The following RASA1 variants were observed in gnomAD, a reference collection of about 807,000 sequenced individuals.
The protein encoded by RASA1 is RAS p21 protein activator 1.
A neutral mutation model predicts 132.2 loss-of-function variants in RASA1; 25 were observed. That is an observed-to-expected ratio of 0.19 (90% CI 0.14 to 0.26). The LOEUF is 0.26. RASA1 is among the 10% of genes least tolerant of loss of function. RASA1 has a pLI of 1.00. For synonymous variants in RASA1, 477 were observed against 449.9 expected (o/e 1.06, Z -0.76); for missense variants, 964 against 1,299.2 (o/e 0.74, Z 3.97).
chr5:87,302,320 A>G (rs1323743711), intron 1 of RASA1, among the ~76,000 whole-genome samples: 2 of 151,794 alleles, frequency 1.3e-5, no homozygotes, highest in Non-Finnish European at 2.9e-5. Context: ...ATTTTTTCAT[A>G]TGTTCATTGG....
At chr5:87,357,144 C>T (rs899052494) in intron 9 of RASA1, among the ~76,000 whole-genome samples, 1 of 152,028 alleles carries the variant, frequency 6.6e-6, no homozygotes, top group Non-Finnish European at 1.5e-5. Flanking sequence ...TAACATCCAT[C>T]TTGTTTCACT....
chr5:87,385,385 C>G lies in RASA1; in HGVS notation c.2843C>G (p.Ala948Gly). 6.3e-7 allele frequency: 1 copy of G among 1,595,430 alleles called. No individual in the cohort carries two copies. The highest frequency in any genetic ancestry group is 8.6e-7 in the Non-Finnish European group (1 of 1,163,806). ...TTAGCAAATCTTGTGGAATTTGGAG[C>G]TAAGGTAAAAACATTTTGATACTTT... ...QNLANLVEFG[A>G]KEPYMEGVNP... Residue 948 changes from alanine (A) to glycine (G), a missense_variant, in exon 22 of 25, where the codon GCT becomes GGT. Transcript: ENST00000274376.
At chr5:87,374,594 AG>A (rs923291225) in intron 14 of RASA1, among the ~76,000 whole-genome samples, 4 of 151,676 alleles carry the variant, frequency 2.6e-5, no homozygotes, top group Non-Finnish European at 5.9e-5. Context: ...AACATTTACT[AG>A]GGTTTCCAGT....
chr5:87,365,916 AAT>A lies in RASA1; in HGVS notation c.1610+2416_1610+2417del, dbSNP rs770924658. 4.7e-4 allele frequency among the ~76,000 whole-genome samples: 71 copies of A among 152,242 alleles called. 2 individuals are homozygous for A. The highest frequency in any genetic ancestry group is 6.8e-3 in the Middle Eastern group (2 of 294). On this transcript the variant is annotated intron_variant, in intron 11 of 24. Transcript: ENST00000274376. ...TGTAGACCTGAATTCCATATTAAAT[AAT>A]ATAATGAAATGGAGGCTGTAATAAA...
At chr5:87,339,760 T>C (rs1238293966) in intron 5 of RASA1, among the ~76,000 whole-genome samples, 1 of 152,150 alleles carries the variant, frequency 6.6e-6, no homozygotes, top group Admixed American at 6.5e-5. Flanking sequence ...TATAGTAACA[T>C]TATAAATTAA....
At position 87,268,397 on chromosome 5, in the gene RASA1, T is replaced by C. The variant is rs758087406; in HGVS notation, c.-55T>C. ...GGGGCTGCTCGGAGCCCGGGCCTGG[T>C]GGCCCCTGGGGCTCCCGGGCGGGCA... On this transcript the variant is annotated 5_prime_UTR_variant, in exon 1 of 25. Transcript: ENST00000274376. The C allele has an allele frequency of 7.5e-6, 11 of 1,468,392 alleles. No homozygotes were observed. Among genetic ancestry groups the C allele is most frequent in the Admixed American group, 5.1e-5 (2 of 39,004 alleles). The allele number at this position is 1,468,392 out of a possible 1,614,324, so 91.0% of individuals were successfully genotyped here.
intron 1 of RASA1, among the ~76,000 whole-genome samples, chr5:87,287,813 TACCATATATACACAC>T (rs1452353705): frequency 1.4e-5 from 2 of 143,666 alleles, no homozygotes; most frequent in African/African-American, 5.2e-5. Context: ...ACCATATATA[TACCATATATACACAC>T]ACCATATATA....
chr5:87,390,088 T>C (rs1762387075), intron 24 of RASA1, among the ~76,000 whole-genome samples: 1 of 152,212 alleles, frequency 6.6e-6, no homozygotes. Flanking sequence ...TAGACTTCTA[T>C]CTGCCATCTG....
At chr5:87,274,481 G>C (rs2112234052) in intron 1 of RASA1, among the ~76,000 whole-genome samples, 1 of 152,154 alleles carries the variant, frequency 6.6e-6, no homozygotes, top group African/African-American at 2.4e-5. Context: ...GATTAGTTAC[G>C]GACAATGATT....
At chr5:87,353,298 T>C (rs1480679121) in intron 9 of RASA1, 63 bp downstream of exon 9, 4 of 1,308,062 alleles carry the variant, frequency 3.1e-6, no homozygotes, top group Non-Finnish European at 4.4e-6. Context: ...TTTGGTGGTA[T>C]GTTTTTGCAC....
At chr5:87,292,367 CTTTTT>C (rs76957126) in intron 1 of RASA1, among the ~76,000 whole-genome samples, 49 of 120,226 alleles carry the variant, frequency 4.1e-4, no homozygotes, top group African/African-American at 1.1e-3. Flanking sequence ...TGTTTACATT[CTTTTT>C]TTTTTTTTTT....
rs559103376 is a variant in RASA1 at position 87,289,727 on chromosome 5, C to T, written c.539+20737C>T. On this transcript the variant is annotated intron_variant, in intron 1 of 24. Coordinates refer to ENST00000274376, the MANE Select transcript of RASA1 (RefSeq NM_002890.3). Reference sequence around the variant, plus strand: ...CCAGGTTCAAGCGATCTTCCCACCTCAGCCTTCCTATTAACTAAGACTACA... The same window carrying T: ...CCAGGTTCAAGCGATCTTCCCACCTTAGCCTTCCTATTAACTAAGACTACA... Among the ~76,000 whole-genome samples the T allele has an allele frequency of 9.2e-5, 14 of 152,286 alleles. No homozygotes were observed. The East Asian group carries it at 2.7e-3, about 29-fold the overall frequency.
chr5:87,333,150 G>A, intron 3 of RASA1, 117 bp from the exon 4 acceptor site: 1 of 1,431,212 alleles, frequency 7.0e-7, no homozygotes, highest in South Asian at 1.4e-5. Flanking sequence ...AAATTTATTT[G>A]AATGATCCCA....
chr5:87,365,119 G>C (rs1760408321), intron 11 of RASA1, among the ~76,000 whole-genome samples: 2 of 152,152 alleles, frequency 1.3e-5, no homozygotes, highest in Admixed American at 6.5e-5. Flanking sequence ...GATTCTTGGA[G>C]GATGGGTATG....
At chr5:87,366,870 A>G (rs1318484137) in intron 11 of RASA1, among the ~76,000 whole-genome samples, 2 of 152,096 alleles carry the variant, frequency 1.3e-5, no homozygotes, top group Non-Finnish European at 2.9e-5. Context: ...CGTCTCTTTA[A>G]AAAATTAAAA....
At chr5:87,302,939 T>C (rs1755440305) in intron 1 of RASA1, among the ~76,000 whole-genome samples, 1 of 152,154 alleles carries the variant, frequency 6.6e-6, no homozygotes, top group Admixed American at 6.5e-5. Flanking sequence ...TTTTTCTAGA[T>C]GCTTTATTGT....
chr5:87,287,440 A>G (rs765512007), intron 1 of RASA1, among the ~76,000 whole-genome samples: 1 of 148,506 alleles, frequency 6.7e-6, no homozygotes, highest in African/African-American at 2.5e-5. Context: ...CACCATATAT[A>G]TACACCATAT....
chr5:87,330,141 C>G (rs1757504628), intron 1 of RASA1, among the ~76,000 whole-genome samples: 1 of 152,036 alleles, frequency 6.6e-6, no homozygotes, highest in South Asian at 2.1e-4. Flanking sequence ...GCATAGGGCT[C>G]TAAATAAATA....
At chr5:87,360,418 G>C (rs1759997660) in intron 9 of RASA1, among the ~76,000 whole-genome samples, 1 of 152,160 alleles carries the variant, frequency 6.6e-6, no homozygotes. Context: ...GCAAAATGCA[G>C]TACTTTTGAA....
Sources: gnomAD v4.1 joint callset for allele counts (sites outside exome capture counted in the v4.1 genomes callset) on GRCh38, gnomAD v4.1.1 for gene constraint, MANE v1.5 for transcripts, NCBI Gene and HGNC (gene_info 2026-07-23, HGNC 2026-07-21) for gene names.